The following FGGY variants were observed in gnomAD, a reference collection of about 807,000 sequenced individuals.
FGGY encodes the protein FGGY carbohydrate kinase domain-containing protein.
Under a neutral mutation model 71.3 loss-of-function variants are expected in FGGY, and 72 were observed. The ratio of observed to expected loss-of-function variants is 1.01; its 90% confidence interval spans 0.84 to 1.23. The LOEUF (loss-of-function observed/expected upper bound fraction) is 1.23. Ranked by LOEUF, FGGY falls within the 50% of genes most tolerant of loss-of-function variation. The probability of loss-of-function intolerance (pLI) is 0.00; values close to 1 mark genes in which losing one functional copy is unlikely to be tolerated. For missense variants in FGGY, 668 were observed against 682.3 expected (o/e 0.98, Z 0.23); for synonymous variants, 251 against 250.3 (o/e 1.00, Z -0.02).
intron 7 of FGGY, among the ~76,000 whole-genome samples, chr1:59,537,954 A>G (rs1184591709): frequency 5.9e-5 from 9 of 152,236 alleles, no homozygotes; most frequent in Non-Finnish European, 1.2e-4. Flanking sequence ...CTTCATGTCT[A>G]AAACACCAAA....
intron 8 of FGGY, among the ~76,000 whole-genome samples, chr1:59,585,159 G>GA (rs1179239219): frequency 6.6e-6 from 1 of 152,072 alleles, no homozygotes. Flanking sequence ...CACAGAATTG[G>GA]AAAAAACTAC....
rs536447141 is a variant in FGGY, at chr1:59,740,398, C to G, written c.1513-17533C>G. On this transcript the variant is annotated intron_variant, in intron 14 of 15. Transcript: ENST00000303721. ...AAGAGAAAAGCCATTAGAAAGACAA[C>G]TGCCATTAAATCTCCCAGCTTTCTT... Among the ~76,000 whole-genome samples, 19 of 152,324 alleles carry G rather than the reference C, an allele frequency of 1.2e-4. No individual in the cohort carries two copies. The South Asian group carries it at 3.9e-3, about 32-fold the overall frequency.
At chr1:59,414,595 A>G (rs549137769) in intron 5 of FGGY, among the ~76,000 whole-genome samples, 1 of 152,182 alleles carries the variant, frequency 6.6e-6, no homozygotes, top group Non-Finnish European at 1.5e-5. Context: ...GCACATTTAA[A>G]TGGGGTAATC....
Position 59,422,282 on chromosome 1 carries a change from G to A in FGGY, c.555-34679G>A, listed in dbSNP as rs79353853. On this transcript the variant is annotated intron_variant, in intron 5 of 15. Coordinates refer to ENST00000303721, the MANE Select transcript of FGGY (RefSeq NM_018291.5). ...AGTTTGGTGATTTACCAGGTTCAATGCCTTTTAATAGATTCAGTTGCTCAG... is the reference window on the plus strand; with the variant it reads ...AGTTTGGTGATTTACCAGGTTCAATACCTTTTAATAGATTCAGTTGCTCAG... 3.7e-3 allele frequency among the ~76,000 whole-genome samples: 561 copies of A among 152,310 alleles called. 13 individuals carry two copies. In the East Asian group the frequency reaches 0.053, roughly 14 times the overall value.
intron 9 of FGGY, among the ~76,000 whole-genome samples, chr1:59,619,968 T>C (rs1205440585): frequency 2.0e-5 from 3 of 151,922 alleles, no homozygotes; most frequent in Non-Finnish European, 4.4e-5. Flanking sequence ...AACCTTGACC[T>C]TGACCTTCAC....
chr1:59,535,341 A>T (rs1421257733), intron 7 of FGGY, among the ~76,000 whole-genome samples: 1 of 152,160 alleles, frequency 6.6e-6, no homozygotes, highest in Non-Finnish European at 1.5e-5. Context: ...GCAAGTCCTG[A>T]GTGACCTACA....
At chr1:59,723,501 A>G (rs528898392) in intron 14 of FGGY, among the ~76,000 whole-genome samples, 1 of 150,614 alleles carries the variant, frequency 6.6e-6, no homozygotes, top group African/African-American at 2.4e-5. Flanking sequence ...TGCAGAATAC[A>G]ACTTTATTAA....
rs184392942 is a variant in FGGY, at chr1:59,660,080, G to A, written c.1222-139G>A. The A allele has an allele frequency of 7.6e-4, 527 of 691,370 alleles. 4 individuals carry two copies. In the Middle Eastern group the frequency reaches 0.015, roughly 20 times the overall value. The allele number at this position is 691,370 out of a possible 1,614,324, so 42.8% of individuals were successfully genotyped here. ...TTAAACAACTTAATAGGCATTTCACGTTCCGCTCACAAAAAGGGGATTTGC... is the reference window on the plus strand; with the variant it reads ...TTAAACAACTTAATAGGCATTTCACATTCCGCTCACAAAAAGGGGATTTGC... On this transcript the variant is annotated intron_variant, in intron 11 of 15. Transcript: ENST00000303721.
chr1:59,472,000 G>A (rs1025176983), intron 6 of FGGY, among the ~76,000 whole-genome samples: 4 of 152,226 alleles, frequency 2.6e-5, no homozygotes, highest in African/African-American at 9.6e-5. Flanking sequence ...CGCTCTCCGC[G>A]CCTCCTCTGC....
chr1:59,387,925 G>T lies in FGGY; in HGVS notation c.554+9088G>T, dbSNP rs148771603. The stretch of plus-strand genomic sequence containing the variant: ...CCTTACAGGTATCCCTGCTGTTAAG[G>T]ATTCAGAGGGCCACTCACTCTTTCT... On this transcript the variant is annotated intron_variant, in intron 5 of 15. Coordinates refer to ENST00000303721, the MANE Select transcript of FGGY (RefSeq NM_018291.5). Among the ~76,000 whole-genome samples, 242 of 152,160 alleles carry T rather than the reference G, an allele frequency of 1.6e-3. 1 individual carries two copies. The highest frequency in any genetic ancestry group is 5.7e-3 in the African/African-American group (237 of 41,518).
chr1:59,442,584 T>C (rs965892018), intron 5 of FGGY, among the ~76,000 whole-genome samples: 1 of 152,312 alleles, frequency 6.6e-6, no homozygotes, highest in East Asian at 1.9e-4. Context: ...CTTTGTCTTG[T>C]GTGGAAAATC....
intron 8 of FGGY, among the ~76,000 whole-genome samples, chr1:59,560,677 GAT>G (rs907550122): frequency 2.0e-5 from 3 of 151,836 alleles, no homozygotes; most frequent in Non-Finnish European, 4.4e-5. Context: ...GTCTTCATAA[GAT>G]AAAATGTCAT....
Position 59,360,127 on chromosome 1 carries a change from G to GTTATTATTATTATTATTATTATTA in FGGY, c.465+13735_465+13758dup, listed in dbSNP as rs200166794. 3.2e-3 allele frequency among the ~76,000 whole-genome samples: 472 copies of GTTATTATTATTATTATTATTATTA among 145,704 alleles called. 2 individuals are homozygous for GTTATTATTATTATTATTATTATTA. The highest frequency in any genetic ancestry group is 4.8e-3 in the Non-Finnish European group (325 of 67,116). On this transcript the variant is annotated intron_variant, in intron 4 of 15. Transcript: ENST00000303721. ...ATAAGAACTTTATTTTTCTATCATTGTTATTATTATTATTATTATTATTAT... is the reference window on the plus strand; with the variant it reads ...ATAAGAACTTTATTTTTCTATCATTGTTATTATTATTATTATTATTATTATTATTATTATTATTATTATTATTAT...
chr1:59,723,822 G>T (rs1020755331), intron 14 of FGGY, among the ~76,000 whole-genome samples: 1 of 152,180 alleles, frequency 6.6e-6, no homozygotes, highest in Non-Finnish European at 1.5e-5. Flanking sequence ...ATAATGTCAT[G>T]CATATTCAAT....
At chr1:59,300,291 A>G (rs568313246) in intron 1 of FGGY, among the ~76,000 whole-genome samples, 3 of 152,298 alleles carry the variant, frequency 2.0e-5, no homozygotes, top group South Asian at 2.1e-4. Context: ...TATACCCCCT[A>G]AGGTAAAGTA....
intron 1 of FGGY, among the ~76,000 whole-genome samples, chr1:59,316,683 G>T (rs1027089839): frequency 3.9e-5 from 6 of 152,114 alleles, no homozygotes; most frequent in Non-Finnish European, 8.8e-5. Flanking sequence ...ACAGTCTTTT[G>T]ATCATAAATA....
At chr1:59,412,647 A>C (rs535183527) in intron 5 of FGGY, among the ~76,000 whole-genome samples, 1 of 152,182 alleles carries the variant, frequency 6.6e-6, no homozygotes, top group South Asian at 2.1e-4. Flanking sequence ...ATTCCAATTC[A>C]TTCATTCATT....
At chr1:59,612,780 CA>C (rs1346721762) in intron 9 of FGGY, among the ~76,000 whole-genome samples, 2 of 151,924 alleles carry the variant, frequency 1.3e-5, no homozygotes, top group African/African-American at 2.4e-5. Flanking sequence ...CACATAGTCT[CA>C]AAATAAAGGG....
chr1:59,623,736 T>C (rs181275032), intron 9 of FGGY, among the ~76,000 whole-genome samples: 85 of 152,312 alleles, frequency 5.6e-4, no homozygotes, highest in African/African-American at 2.0e-3. Flanking sequence ...TGCCAAATGA[T>C]TGATCTCTCA....
Sources: allele counts gnomAD v4.1 joint callset (sites outside exome capture counted in the v4.1 genomes callset), GRCh38; gene constraint gnomAD v4.1.1; transcripts MANE v1.5; gene names NCBI Gene and HGNC (gene_info 2026-07-23, HGNC 2026-07-21).